Variants in WDR45B observed in about 807,000 individuals in gnomAD.
WDR45B encodes the protein WD repeat domain 45B, also known as WD repeat domain phosphoinositide-interacting protein 3.
WDR45B carries 20 observed loss-of-function variants against 44.6 expected under a neutral mutation model. That is an observed-to-expected ratio of 0.45 (90% CI 0.32 to 0.65). The LOEUF is 0.65. WDR45B is among the 30% of genes least tolerant of loss of function. WDR45B has a pLI of 0.05. For synonymous variants in WDR45B, 169 were observed against 164.9 expected, an observed-to-expected ratio of 1.02 and a Z score of -0.19; for missense variants, 323 against 430.2, an observed-to-expected ratio of 0.75 and a Z score of 2.20.
At chr17:82,648,120 G>A (rs1460776026) in intron 1 of WDR45B, among the ~76,000 whole-genome samples, 154 bp downstream of exon 1, 4 of 151,054 alleles carry the variant, frequency 2.6e-5, no homozygotes, top group Non-Finnish European at 5.9e-5. Flanking sequence ...GGCGAGGGCC[G>A]GGGCCGGGGG....
chr17:82,645,725 T>C (rs2045967109), intron 1 of WDR45B, among the ~76,000 whole-genome samples: 1 of 152,196 alleles, frequency 6.6e-6, no homozygotes, highest in African/African-American at 2.4e-5. Context: ...TTATTACTCA[T>C]ATTATGCTTA....
At chr17:82,632,877 T>C (rs570634507) in intron 2 of WDR45B, among the ~76,000 whole-genome samples, 109 of 151,896 alleles carry the variant, frequency 7.2e-4, no homozygotes, top group African/African-American at 2.5e-3. Context: ...AAAATAAAAA[T>C]TAAAAAATTC....
At position 82,634,150 on chromosome 17, in the gene WDR45B, C is replaced by CAAAAAAAAAAAAAA. The variant is rs36183298; in HGVS notation, c.143-3142_143-3129dup. On this transcript the variant is annotated intron_variant, in intron 2 of 9. Coordinates refer to ENST00000392325, the MANE Select transcript of WDR45B (RefSeq NM_019613.4). ...TGGGTGACACAGTGAGACTCCATCTCAAAAAAAAAAAAAAAAAAAAAAAAG... is the reference window on the plus strand; with the variant it reads ...TGGGTGACACAGTGAGACTCCATCTCAAAAAAAAAAAAAAAAAAAAAAAAAAAAAAAAAAAAAAG... 7.2e-4 allele frequency among the ~76,000 whole-genome samples: 23 copies of CAAAAAAAAAAAAAA among 31,908 alleles called. 1 individual carries two copies. Among genetic ancestry groups the CAAAAAAAAAAAAAA allele is most frequent in the Admixed American group, 1.0e-3 (2 of 1,924 alleles). 20.9% of individuals were successfully genotyped at this position (31,908 alleles called of 152,430 possible).
chr17:82,617,245 G>T, intron 8 of WDR45B, 51 bp downstream of exon 8: 1 of 1,553,398 alleles, frequency 6.4e-7, no homozygotes. Context: ...TGAAACACTG[G>T]GGACTCCTCT....
In WDR45B at chr17:82,628,968, C is replaced by T. The variant is rs574457730; in HGVS notation, c.245-1677G>A. 2.0e-5 allele frequency among the ~76,000 whole-genome samples: 3 copies of T among 152,162 alleles called. No individual in the cohort carries two copies. In the East Asian group the frequency reaches 5.8e-4, roughly 29 times the overall value. On this transcript the variant is annotated intron_variant, in intron 3 of 9. Coordinates refer to ENST00000392325, the MANE Select transcript of WDR45B (RefSeq NM_019613.4). ...TGAGCCAGGACTGCGCAACTGCATT[C>T]CAGCCTGGGCAACACAGTGAGACCC... is the stretch of plus-strand genomic sequence containing the variant.
At chr17:82,636,304 GCA>G (rs2045832522) in intron 2 of WDR45B, among the ~76,000 whole-genome samples, 1 of 150,958 alleles carries the variant, frequency 6.6e-6, no homozygotes, top group African/African-American at 2.4e-5. Context: ...TCAGTCACAG[GCA>G]CAGTTAGCTA....
In WDR45B at chr17:82,615,556, A is replaced by C; in HGVS notation, c.*363T>G. On this transcript the variant is annotated 3_prime_UTR_variant, in exon 10 of 10. Coordinates refer to ENST00000392325, the MANE Select transcript of WDR45B (RefSeq NM_019613.4). ...GTAAGAACGACGGAATCTGCTGCAA[A>C]AACAAACCTGAACTCGTCCACCCTC... is the stretch of plus-strand genomic sequence containing the variant. The C allele has an allele frequency of 6.1e-6, 2 of 325,264 alleles. No homozygotes were observed. The highest frequency in any genetic ancestry group is 4.3e-5 in the Admixed American group (1 of 23,492). The allele number at this position is 325,264 out of a possible 1,614,324, so 20.1% of individuals were successfully genotyped here. A position where few individuals can be genotyped will look rare whatever the true frequency, so the allele number is the denominator to read the frequency against.
intron 4 of WDR45B, 79 bp from the exon 5 acceptor site, chr17:82,625,562 T>C: frequency 7.7e-7 from 1 of 1,303,596 alleles, no homozygotes; most frequent in Non-Finnish European, 1.1e-6. Context: ...CTTATCATAC[T>C]GAAACTGAGA....
At chr17:82,619,986 T>C (rs1368091345) in intron 6 of WDR45B, among the ~76,000 whole-genome samples, 7 of 152,342 alleles carry the variant, frequency 4.6e-5, no homozygotes, top group African/African-American at 1.7e-4. Flanking sequence ...TAACGGGGAT[T>C]CTATCTAAAG....
In WDR45B at chr17:82,620,697, A is replaced by C. The variant is rs181950412; in HGVS notation, c.618+912T>G. 6.8e-4 allele frequency among the ~76,000 whole-genome samples: 103 copies of C among 152,344 alleles called. 1 individual carries two copies. The highest frequency in any genetic ancestry group is 2.5e-3 in the African/African-American group (103 of 41,580). On this transcript the variant is annotated intron_variant, in intron 6 of 9. Transcript: ENST00000392325. ...TCCTACAAAGTAACACCGGGTTTGCAGTCTTCAATGAAAACTATAGTACAA... is the reference window on the plus strand; with the variant it reads ...TCCTACAAAGTAACACCGGGTTTGCCGTCTTCAATGAAAACTATAGTACAA...
intron 2 of WDR45B, among the ~76,000 whole-genome samples, chr17:82,641,372 G>GT (rs1222238764): frequency 2.0e-5 from 3 of 152,186 alleles, no homozygotes; most frequent in African/African-American, 7.2e-5. Flanking sequence ...ACACATACAG[G>GT]TTTTCACCCA....
intron 6 of WDR45B, among the ~76,000 whole-genome samples, chr17:82,619,455 T>TG (rs1481122157): frequency 6.6e-6 from 1 of 152,026 alleles, no homozygotes; most frequent in Non-Finnish European, 1.5e-5. Flanking sequence ...CCAGGCTCCC[T>TG]GCTCCTGCTA....
Position 82,625,458 on chromosome 17 carries a change from T to C in WDR45B, c.358A>G (p.Ile120Val). 1.9e-6 allele frequency: 3 copies of C among 1,614,186 alleles called. No individual in the cohort carries two copies. The highest frequency in any genetic ancestry group is 2.5e-6 in the Non-Finnish European group (3 of 1,180,034). Reference protein sequence around the residue: ...DRIVVVLDSMIKVFTFTHNPH... With the variant: ...DRIVVVLDSMVKVFTFTHNPH... ...TTGTGTGTGAATGTGAACACCTTAA[T>C]CATGGAGTCCAAAACCACCACAATT... Residue 120 changes from isoleucine (I) to valine (V), a missense_variant, in exon 5 of 10, where the codon ATT becomes GTT. Coordinates refer to ENST00000392325, the MANE Select transcript of WDR45B (RefSeq NM_019613.4).
intron 4 of WDR45B, 79 bp downstream of exon 4, chr17:82,627,125 G>T: frequency 2.6e-6 from 3 of 1,175,696 alleles, no homozygotes; most frequent in Non-Finnish European, 1.3e-6. Flanking sequence ...ACATTTTTCT[G>T]CCAAAAATAG....
chr17:82,621,498 C>G, intron 6 of WDR45B, 111 bp downstream of exon 6: 1 of 1,432,670 alleles, frequency 7.0e-7, no homozygotes, highest in Non-Finnish European at 9.7e-7. Context: ...CTGAGGGGCT[C>G]CAGGTTGGGG....
chr17:82,633,353 AAATT>A (rs2045793647), intron 2 of WDR45B, among the ~76,000 whole-genome samples: 1 of 152,158 alleles, frequency 6.6e-6, no homozygotes, highest in South Asian at 2.1e-4. Flanking sequence ...AACAATAAAA[AAATT>A]AATAATCTGA....
intron 5 of WDR45B, among the ~76,000 whole-genome samples, chr17:82,622,720 A>G (rs1371872149): frequency 6.6e-6 from 1 of 152,026 alleles, no homozygotes; most frequent in Non-Finnish European, 1.5e-5. Flanking sequence ...GCATGACCAA[A>G]AATTTTTTTT....
chr17:82,618,940 C>T (rs912644661), intron 7 of WDR45B, 103 bp downstream of exon 7: 16 of 1,039,188 alleles, frequency 1.5e-5, no homozygotes, highest in African/African-American at 4.7e-5. Flanking sequence ...TGGCCTTATT[C>T]GGGGGAGGGT....
intron 7 of WDR45B, 86 bp from the exon 8 acceptor site, chr17:82,617,483 G>C: frequency 7.5e-7 from 1 of 1,334,542 alleles, no homozygotes; most frequent in South Asian, 1.2e-5. Context: ...CGACACTGTG[G>C]AACACCTCAA....
Sources: allele counts gnomAD v4.1 joint callset (sites outside exome capture counted in the v4.1 genomes callset), GRCh38; gene constraint gnomAD v4.1.1; transcripts MANE v1.5; gene names NCBI Gene and HGNC (gene_info 2026-07-23, HGNC 2026-07-21).